Variants in NALF1 observed in about 807,000 individuals in gnomAD.
NALF1 encodes family with sequence similarity 155 member A.
A neutral mutation model predicts 48.4 loss-of-function variants in NALF1; 3 were observed. The ratio of observed to expected loss-of-function variants is 0.06; its 90% CI spans 0.03 to 0.16. The LOEUF (loss-of-function observed/expected upper bound fraction) is 0.16, where lower values mean the gene tolerates loss of function less well. NALF1 is among the 10% of genes least tolerant of loss of function. The pLI is 1.00. For missense variants in NALF1, 526 were observed against 571.5 expected, an observed-to-expected ratio of 0.92 and a Z score of 0.81; for synonymous variants, 262 against 245.7, an observed-to-expected ratio of 1.07 and a Z score of -0.62.
At chr13:107,393,333 C>CTTCTCACT in intron 1 of NALF1, among the ~76,000 whole-genome samples, 1 of 152,210 alleles carries the variant, frequency 6.6e-6, no homozygotes, top group Middle Eastern at 3.4e-3. Flanking sequence ...AGAAAGCTAA[C>CTTCTCACT]TTCTCACTAT....
intron 1 of NALF1, among the ~76,000 whole-genome samples, chr13:107,534,700 A>G (rs375009154): frequency 5.3e-5 from 8 of 152,302 alleles, no homozygotes; most frequent in African/African-American, 1.9e-4. Context: ...GGGTTAAGCA[A>G]GTACAGTGCT....
chr13:107,208,752 T>C (rs1879694549), intron 2 of NALF1, among the ~76,000 whole-genome samples: 2 of 152,188 alleles, frequency 1.3e-5, no homozygotes, highest in African/African-American at 4.8e-5. Flanking sequence ...ATTTGTGGAA[T>C]GTTGTATGCA....
chr13:107,469,525 GTGT>G (rs1274668679), intron 1 of NALF1, among the ~76,000 whole-genome samples: 2 of 151,988 alleles, frequency 1.3e-5, no homozygotes, highest in African/African-American at 4.8e-5. Context: ...ACATCAAATA[GTGT>G]TGTATTTGCA....
intron 1 of NALF1, among the ~76,000 whole-genome samples, chr13:107,749,032 T>C (rs1279528565): frequency 6.6e-6 from 1 of 152,128 alleles, no homozygotes; most frequent in African/African-American, 2.4e-5. Context: ...TCCCCAGTTA[T>C]GATCCATAGA....
chr13:107,433,318 G>A (rs1201078215), intron 1 of NALF1, among the ~76,000 whole-genome samples: 1 of 152,132 alleles, frequency 6.6e-6, no homozygotes, highest in Non-Finnish European at 1.5e-5. Flanking sequence ...ACTGATAACT[G>A]TCTATGGTTA....
At chr13:107,256,074 C>T (rs576247270) in intron 1 of NALF1, among the ~76,000 whole-genome samples, 1 of 151,908 alleles carries the variant, frequency 6.6e-6, no homozygotes, top group Non-Finnish European at 1.5e-5. Context: ...TCCAGAAAGC[C>T]CATTTTTAAA....
chr13:107,372,222 T>G (rs1368209549), intron 1 of NALF1, among the ~76,000 whole-genome samples: 2 of 152,234 alleles, frequency 1.3e-5, no homozygotes, highest in Non-Finnish European at 2.9e-5. Flanking sequence ...GTTTAAACAA[T>G]GTACATGGAA....
chr13:107,183,537 T>C lies in NALF1; in HGVS notation c.1088-12751A>G, dbSNP rs200328534. ...TAAATCATTCTACTATAAAGACACA[T>C]GCACATGTATGTTTATTGCGGCACT... On this transcript the variant is annotated intron_variant, in intron 2 of 2. Coordinates refer to ENST00000375915, the MANE Select transcript of NALF1 (RefSeq NM_001080396.3). Among the ~76,000 whole-genome samples the C allele has an allele frequency of 1.6e-4, 24 of 152,244 alleles. No individual in the cohort carries two copies. In the East Asian group the frequency reaches 4.5e-3, roughly 28 times the overall value.
At chr13:107,351,327 T>C (rs2138945334) in intron 1 of NALF1, among the ~76,000 whole-genome samples, 1 of 152,286 alleles carries the variant, frequency 6.6e-6, no homozygotes, top group Non-Finnish European at 1.5e-5. Flanking sequence ...GAAATCACTT[T>C]TTTGAAACCC....
At chr13:107,368,710 C>A (rs1348689573) in intron 1 of NALF1, among the ~76,000 whole-genome samples, 1 of 152,200 alleles carries the variant, frequency 6.6e-6, no homozygotes, top group Non-Finnish European at 1.5e-5. Context: ...CCCACCCTGA[C>A]CATCCAGAAT....
intron 1 of NALF1, among the ~76,000 whole-genome samples, chr13:107,763,094 CT>C (rs1877312852): frequency 6.6e-6 from 1 of 151,418 alleles, no homozygotes; most frequent in South Asian, 2.1e-4. Flanking sequence ...GAAAAATAAA[CT>C]CATCATTTTT....
intron 1 of NALF1, among the ~76,000 whole-genome samples, chr13:107,250,102 T>TTC (rs398024333): frequency 2.0e-5 from 3 of 151,564 alleles, no homozygotes; most frequent in Non-Finnish European, 4.4e-5. Context: ...TTTTTTTTTT[T>TTC]CCCAAGTTCC....
intron 1 of NALF1, among the ~76,000 whole-genome samples, chr13:107,747,849 G>A (rs1033091594): frequency 6.6e-6 from 1 of 151,980 alleles, no homozygotes; most frequent in East Asian, 1.9e-4. Context: ...ACATGCACAC[G>A]CACAACTTAA....
chr13:107,828,600 TATCTATACACACACACACAC>T (rs1879598800), intron 1 of NALF1, among the ~76,000 whole-genome samples: 4 of 103,582 alleles, frequency 3.9e-5, no homozygotes, highest in Non-Finnish European at 7.4e-5. Context: ...TCTATATCTA[TATCTATACACACACACACAC>T]ACACACACAC....
intron 2 of NALF1, among the ~76,000 whole-genome samples, chr13:107,202,658 T>C (rs773910760): frequency 9.9e-5 from 15 of 152,158 alleles, no homozygotes; most frequent in Admixed American, 5.2e-4. Flanking sequence ...TGTTCCAAAG[T>C]GCTTGTAACA....
rs569777260 is a variant in NALF1, at chr13:107,378,900, T to C, written c.916-168145A>G. On this transcript the variant is annotated intron_variant, in intron 1 of 2. Coordinates refer to ENST00000375915, the MANE Select transcript of NALF1 (RefSeq NM_001080396.3). ...GAGGTGTTATGGACAGAAAAACAAA[T>C]AATATACTGATTATCCTGAAACACA... is the stretch of plus-strand genomic sequence containing the variant. Among the ~76,000 whole-genome samples the C allele has an allele frequency of 5.9e-5, 9 of 152,204 alleles. No individual in the cohort carries two copies. In the South Asian group the frequency reaches 1.7e-3, roughly 28 times the overall value.
At chr13:107,522,254 C>A (rs893396179) in intron 1 of NALF1, among the ~76,000 whole-genome samples, 13 of 152,278 alleles carry the variant, frequency 8.5e-5, no homozygotes, top group African/African-American at 3.1e-4. Context: ...CGTATCCTCT[C>A]CCCTACGCCA....
At chr13:107,220,363 T>C (rs567450586) in intron 1 of NALF1, among the ~76,000 whole-genome samples, 2 of 152,370 alleles carry the variant, frequency 1.3e-5, no homozygotes, top group East Asian at 1.9e-4. Context: ...CACGTGGTTC[T>C]TTAAACATGT....
intron 1 of NALF1, among the ~76,000 whole-genome samples, chr13:107,678,865 G>A (rs1370919319): frequency 2.0e-5 from 3 of 152,160 alleles, no homozygotes; most frequent in East Asian, 1.9e-4. Context: ...GGTCTCTCCC[G>A]TAACACGTGG....
Sources: gnomAD v4.1 joint callset for allele counts (sites outside exome capture counted in the v4.1 genomes callset) on GRCh38, gnomAD v4.1.1 for gene constraint, MANE v1.5 for transcripts, NCBI Gene and HGNC (gene_info 2026-07-23, HGNC 2026-07-21) for gene names.